NDUFAF6: variants seen among roughly 807,000 people sequenced by gnomAD.
NDUFAF6 encodes NADH:ubiquinone oxidoreductase complex assembly factor 6.
NDUFAF6 carries 45 observed loss-of-function variants against 40.8 expected under a neutral mutation model. The observed-to-expected ratio is 1.10, with a 90% CI of 0.87 to 1.42. NDUFAF6 has a LOEUF of 1.42. NDUFAF6 is among the 40% of genes most tolerant of loss of function. NDUFAF6 has a pLI of 0.00. For missense variants in NDUFAF6, 435 were observed against 418.5 expected (o/e 1.04, Z -0.34); for synonymous variants, 185 against 155.9 (o/e 1.19, Z -1.39).
At chr8:94,904,152 G>GT (rs1266522082) in intron 1 of NDUFAF6, among the ~76,000 whole-genome samples, 94 of 145,814 alleles carry the variant, frequency 6.4e-4, no homozygotes, top group East Asian at 2.8e-3. Context: ...TTTGTTTTTT[G>GT]GTTTTTTTTG....
At chr8:95,118,313 G>GACTT (rs1810175477), downstream of NDUFAF6, among the ~76,000 whole-genome samples, 1 of 152,158 alleles carries the variant, frequency 6.6e-6, no homozygotes, top group Non-Finnish European at 1.5e-5. Context: ...ATATTCTGTT[G>GACTT]GTCAAGGCAA....
In NDUFAF6 at chr8:94,946,696, C is replaced by CAAAAAAAAAA. The variant is rs71273438; in HGVS notation, c.-799+1092_-799+1101dup. 6.3e-3 allele frequency among the ~76,000 whole-genome samples: 217 copies of CAAAAAAAAAA among 34,688 alleles called. 18 individuals carry two copies. Among genetic ancestry groups the CAAAAAAAAAA allele is most frequent in the Middle Eastern group, 0.019 (1 of 52 alleles). 22.8% of individuals were successfully genotyped at this position (34,688 alleles called of 152,430 possible). A position where few individuals can be genotyped will look rare whatever the true frequency, so the allele number is the denominator to read the frequency against. ...TGGTCAACAGAGTAAGACCCTGTCT[C>CAAAAAAAAAA]AAAAAAAAAAAAAAAAAAAAAAAAG... On this transcript the variant is annotated intron_variant, in intron 2 of 14. Coordinates refer to the NDUFAF6 transcript ENST00000396113.
At chr8:94,980,943 G>A (rs763725924) in exon 2 of NDUFAF6, 4 of 456,684 alleles carry the variant, frequency 8.8e-6, no homozygotes, top group Non-Finnish European at 1.8e-5. Context: ...ATGCCAATCA[G>A]CATTTCACAT....
chr8:94,931,955 G>A (rs1166510118), intron 1 of NDUFAF6: 2 of 991,134 alleles, frequency 2.0e-6, no homozygotes, highest in Non-Finnish European at 3.0e-6. Context: ...CTGAGTGACA[G>A]AGTGAGACTC....
chr8:95,028,604 A>G (rs1315515035), intron 1 of NDUFAF6, among the ~76,000 whole-genome samples: 2 of 152,000 alleles, frequency 1.3e-5, no homozygotes, highest in Non-Finnish European at 2.9e-5. Context: ...TCTTCATTTC[A>G]TTTTTCATTT....
At chr8:95,036,342 A>G in intron 3 of NDUFAF6, 2 of 1,288,840 alleles carry the variant, frequency 1.6e-6, no homozygotes, top group Non-Finnish European at 2.0e-6. Flanking sequence ...AGCCACCCAC[A>G]GACCTGACAG....
chr8:95,038,148 C>T (rs1829720323), intron 3 of NDUFAF6, among the ~76,000 whole-genome samples: 2 of 152,204 alleles, frequency 1.3e-5, no homozygotes, highest in Admixed American at 1.3e-4. Context: ...GTTGAGATTA[C>T]AGGTGTGAGC....
chr8:94,994,046 G>C (rs1826308595), intron 2 of NDUFAF6, among the ~76,000 whole-genome samples: 1 of 152,092 alleles, frequency 6.6e-6, no homozygotes, highest in Admixed American at 6.6e-5. Context: ...AGAGTAAAGG[G>C]TAGGAGGAGA....
intron 8 of NDUFAF6, among the ~76,000 whole-genome samples, chr8:95,053,535 A>G (rs1260737461): frequency 1.3e-5 from 2 of 152,212 alleles, no homozygotes; most frequent in Admixed American, 1.3e-4. Context: ...GACCTAAACA[A>G]TGCTTGGCCT....
chr8:95,064,928 A>G (rs1055038617), intron 9 of NDUFAF6, among the ~76,000 whole-genome samples: 1 of 152,114 alleles, frequency 6.6e-6, no homozygotes, highest in Non-Finnish European at 1.5e-5. Context: ...ACAGTTGTCA[A>G]TTATGCCTAT....
downstream of NDUFAF6, among the ~76,000 whole-genome samples, chr8:95,078,853 G>C (rs1459284995): frequency 6.6e-6 from 1 of 151,882 alleles, no homozygotes; most frequent in African/African-American, 2.4e-5. Context: ...GTGCAGTTCA[G>C]ATTTGTCCAT....
intron 2 of NDUFAF6, among the ~76,000 whole-genome samples, chr8:95,004,372 T>TTTCTTTTC (rs1563783525): frequency 7.1e-6 from 1 of 140,124 alleles, no homozygotes; most frequent in African/African-American, 2.6e-5. Flanking sequence ...TTTTTTTTTT[T>TTTCTTTTC]GAGACCGGGT....
At chr8:94,965,706 G>A (rs907166764) in intron 1 of NDUFAF6, among the ~76,000 whole-genome samples, 18 of 152,172 alleles carry the variant, frequency 1.2e-4, no homozygotes, top group African/African-American at 4.1e-4. Context: ...AGAAATTGAA[G>A]AAGATTCCAA....
chr8:95,071,078 C>T (rs961666091), intron 9 of NDUFAF6, among the ~76,000 whole-genome samples: 2 of 152,008 alleles, frequency 1.3e-5, no homozygotes, highest in Non-Finnish European at 2.9e-5. Flanking sequence ...GTGTTCATAC[C>T]ATATGATTAA....
intron 9 of NDUFAF6, among the ~76,000 whole-genome samples, chr8:95,070,742 T>C (rs1832822215): frequency 6.6e-6 from 1 of 152,206 alleles, no homozygotes; most frequent in Admixed American, 6.5e-5. Context: ...GATTATAATA[T>C]ATCAACAACT....
intron 1 of NDUFAF6, among the ~76,000 whole-genome samples, chr8:94,931,741 GAGGCAGGTGGATCA>G (rs1336368771): frequency 2.0e-5 from 3 of 152,184 alleles, no homozygotes; most frequent in African/African-American, 7.2e-5. Context: ...TTGGGAGGCT[GAGGCAGGTGGATCA>G]CCTTAATAGA....
At chr8:94,971,886 C>T (rs1368092171) in intron 1 of NDUFAF6, among the ~76,000 whole-genome samples, 11 of 151,008 alleles carry the variant, frequency 7.3e-5, no homozygotes, top group Non-Finnish European at 1.6e-4. Context: ...TGCAGTGAGC[C>T]AAGATTGTGC....
At chr8:94,966,593 C>CTAAA (rs928753353) in intron 1 of NDUFAF6, among the ~76,000 whole-genome samples, 12 of 151,970 alleles carry the variant, frequency 7.9e-5, no homozygotes, top group African/African-American at 1.5e-4. Flanking sequence ...GACCTTGTCT[C>CTAAA]TAAATAAATA....
intron 2 of NDUFAF6, among the ~76,000 whole-genome samples, chr8:94,985,470 TATATA>T (rs1825741937): frequency 1.1e-3 from 1 of 910 alleles, no homozygotes; most frequent in East Asian, 0.038. Context: ...ACAATAATTA[TATATA>T]TATATATATA....
Sources: gnomAD v4.1 joint callset for allele counts (sites outside exome capture counted in the v4.1 genomes callset) on GRCh38, gnomAD v4.1.1 for gene constraint, MANE v1.5 for transcripts, NCBI Gene and HGNC (gene_info 2026-07-23, HGNC 2026-07-21) for gene names.